Variants in PODXL observed in about 807,000 individuals in gnomAD.
PODXL encodes podocalyxin.
Under a neutral mutation model 48.9 loss-of-function variants are expected in PODXL, and 20 were observed. The observed-to-expected ratio is 0.41, with a 90% CI of 0.29 to 0.59. The LOEUF (loss-of-function observed/expected upper bound fraction) is 0.59, where lower values mean the gene tolerates loss of function less well. Among genes scored for constraint, PODXL ranks in the 20% least tolerant of loss-of-function variants. PODXL has a pLI of 0.31. For missense variants in PODXL, 606 were observed against 675.1 expected (o/e 0.90, Z 1.13); for synonymous variants, 295 against 287.4 (o/e 1.03, Z -0.27).
At chr7:131,532,453 T>TAAAAAA (rs1562913043) in intron 1 of PODXL, among the ~76,000 whole-genome samples, 7 of 131,124 alleles carry the variant, frequency 5.3e-5, no homozygotes, top group African/African-American at 1.3e-4. Context: ...AAAAAAAAAT[T>TAAAAAA]AAAAATAAAT....
At chr7:131,529,087 G>C (rs977420614) in intron 1 of PODXL, among the ~76,000 whole-genome samples, 5 of 100,214 alleles carry the variant, frequency 5.0e-5, no homozygotes, top group African/African-American at 1.3e-4. Flanking sequence ...GTAGAGATGA[G>C]AAAATGTTGA....
At chr7:131,522,357 C>A (rs1798105177) in intron 1 of PODXL, among the ~76,000 whole-genome samples, 1 of 152,098 alleles carries the variant, frequency 6.6e-6, no homozygotes, top group African/African-American at 2.4e-5. Context: ...GACAGGAGAA[C>A]CGCTTGAACC....
chr7:131,554,073 A>C (rs1366358489), intron 1 of PODXL, among the ~76,000 whole-genome samples: 1 of 152,114 alleles, frequency 6.6e-6, no homozygotes, highest in Non-Finnish European at 1.5e-5. Context: ...CTCGAGCTAT[A>C]AATCTTTCTT....
intron 1 of PODXL, among the ~76,000 whole-genome samples, chr7:131,548,142 C>CCACA: frequency 6.6e-6 from 1 of 152,232 alleles, no homozygotes; most frequent in Non-Finnish European, 1.5e-5. Flanking sequence ...AGCCACATAA[C>CCACA]TGGAGGACTA....
intron 5 of PODXL, 139 bp from the exon 6 acceptor site, chr7:131,506,865 TC>T: frequency 1.2e-6 from 1 of 843,010 alleles, no homozygotes; most frequent in Non-Finnish European, 1.9e-6. Context: ...CAGCTGGTGC[TC>T]CACGCAGGCC....
At chr7:131,525,096 C>G (rs529536208) in intron 1 of PODXL, among the ~76,000 whole-genome samples, 181 of 152,198 alleles carry the variant, frequency 1.2e-3, no homozygotes, top group Non-Finnish European at 2.0e-3. Context: ...GCAGACTCCT[C>G]AACTCCATAC....
intron 1 of PODXL, among the ~76,000 whole-genome samples, chr7:131,524,639 A>G (rs1010102884): frequency 1.3e-5 from 2 of 152,228 alleles, no homozygotes; most frequent in Non-Finnish European, 2.9e-5. Context: ...AGGATCTCTC[A>G]TACATTGCTG....
At chr7:131,515,025 C>T (rs570059398) in intron 1 of PODXL, among the ~76,000 whole-genome samples, 80 of 152,276 alleles carry the variant, frequency 5.3e-4, no homozygotes, top group South Asian at 2.1e-3. Flanking sequence ...ATGCATTATA[C>T]GCAGAATGCT....
intron 5 of PODXL, chr7:131,506,986 C>T (rs1381972303): frequency 2.3e-5 from 11 of 471,302 alleles, no homozygotes; most frequent in Non-Finnish European, 3.5e-5. Flanking sequence ...TACGCTTGCA[C>T]CTTTCATTCC....
At chr7:131,520,560 A>G (rs909062635) in intron 1 of PODXL, 7 of 165,170 alleles carry the variant, frequency 4.2e-5, no homozygotes, top group Non-Finnish European at 5.2e-5. Context: ...CAAAAAAGGG[A>G]AAAAAAATAA....
intron 1 of PODXL, among the ~76,000 whole-genome samples, chr7:131,534,539 T>C (rs1296767046): frequency 6.6e-6 from 1 of 151,506 alleles, no homozygotes; most frequent in Non-Finnish European, 1.5e-5. Context: ...GGGTAGGCAG[T>C]AGGGTGGGGT....
intron 1 of PODXL, among the ~76,000 whole-genome samples, chr7:131,520,669 G>A (rs1451373080): frequency 6.6e-6 from 1 of 152,202 alleles, no homozygotes; most frequent in Non-Finnish European, 1.5e-5. Context: ...AATCTGTTCT[G>A]CTCTAATATG....
intron 1 of PODXL, among the ~76,000 whole-genome samples, chr7:131,544,661 ACGCACGCCCTGTACTACG>A (rs1798542385): frequency 2.7e-5 from 1 of 36,924 alleles, no homozygotes; most frequent in Non-Finnish European, 8.1e-5. Flanking sequence ...TGTACTACGC[ACGCACGCCCTGTACTACG>A]CTTGGCAGTG....
At chr7:131,537,541 C>T (rs568532955) in intron 1 of PODXL, among the ~76,000 whole-genome samples, 6 of 152,034 alleles carry the variant, frequency 3.9e-5, no homozygotes, top group South Asian at 2.1e-4. Flanking sequence ...TGCAGTGAGC[C>T]GAGATTACAC....
At chr7:131,534,090 T>G (rs1798328024) in intron 1 of PODXL, among the ~76,000 whole-genome samples, 2 of 147,422 alleles carry the variant, frequency 1.4e-5, no homozygotes, top group Non-Finnish European at 3.0e-5. Context: ...GCAGCCCACC[T>G]CCTCCTCCAC....
intron 5 of PODXL, among the ~76,000 whole-genome samples, chr7:131,508,662 C>T (rs1199448970): frequency 2.2e-5 from 3 of 133,924 alleles, no homozygotes; most frequent in African/African-American, 8.7e-5. Flanking sequence ...GGTCCCTCAA[C>T]TCAGCATACT....
intron 1 of PODXL, among the ~76,000 whole-genome samples, chr7:131,516,466 G>C (rs1477513345): frequency 1.3e-5 from 2 of 152,074 alleles, no homozygotes. Context: ...TTGAACCCAG[G>C]AGATAGCACC....
chr7:131,522,634 A>AT (rs1295633996), intron 1 of PODXL, among the ~76,000 whole-genome samples: 1 of 147,758 alleles, frequency 6.8e-6, no homozygotes, highest in Non-Finnish European at 1.5e-5. Flanking sequence ...TCGTGCCTTG[A>AT]TTAACATAAA....
chr7:131,544,921 T>C (rs577855118), intron 1 of PODXL, among the ~76,000 whole-genome samples: 5 of 152,336 alleles, frequency 3.3e-5, no homozygotes, highest in African/African-American at 1.2e-4. Context: ...CAGAACTGTC[T>C]GTGAGCCACT....
Sources: gnomAD v4.1 joint callset for allele counts (sites outside exome capture counted in the v4.1 genomes callset) on GRCh38, gnomAD v4.1.1 for gene constraint, MANE v1.5 for transcripts, NCBI Gene and HGNC (gene_info 2026-07-23, HGNC 2026-07-21) for gene names.